Variants in ERP44 observed in about 807,000 individuals in gnomAD.
ERP44 encodes the protein endoplasmic reticulum resident protein 44.
A neutral mutation model predicts 53.4 loss-of-function variants in ERP44; 25 were observed. That is an observed-to-expected ratio of 0.47 (90% confidence interval 0.34 to 0.65). ERP44 has a LOEUF of 0.65. Among genes scored for constraint, ERP44 ranks in the 30% least tolerant of loss-of-function variants. The pLI is 0.01. For missense variants in ERP44, 338 were observed against 493.2 expected (o/e 0.69, Z 2.98); for synonymous variants, 145 against 161.2 (o/e 0.90, Z 0.76).
chr9:100,071,923 AG>A (rs1311964225), intron 1 of ERP44, among the ~76,000 whole-genome samples: 1 of 152,204 alleles, frequency 6.6e-6, no homozygotes, highest in East Asian at 1.9e-4. Flanking sequence ...CTCTGTCTCC[AG>A]AAAAAAAATA....
intron 1 of ERP44, among the ~76,000 whole-genome samples, chr9:100,061,462 T>A (rs113072106): frequency 1.4e-5 from 2 of 146,964 alleles, no homozygotes; most frequent in African/African-American, 2.5e-5. Context: ...TAAATAAATA[T>A]ATATATAAAT....
At chr9:100,024,000 C>T (rs959023204) in intron 4 of ERP44, among the ~76,000 whole-genome samples, 3 of 151,916 alleles carry the variant, frequency 2.0e-5, no homozygotes, top group African/African-American at 4.8e-5. Flanking sequence ...ACTAAAAATA[C>T]AAAAATTAAC....
chr9:100,029,790 T>C (rs114244775), intron 4 of ERP44, among the ~76,000 whole-genome samples: 3,240 of 152,222 alleles, frequency 0.021, 105 homozygotes, highest in African/African-American at 0.074. Flanking sequence ...AACAGATGAA[T>C]GGATAAAGAA....
At chr9:99,999,212 A>T in intron 10 of ERP44, 2 of 414,002 alleles carry the variant, frequency 4.8e-6, no homozygotes, top group South Asian at 5.9e-5. Context: ...CGTCCTCTCG[A>T]TGTTGATCAT....
chr9:100,031,777 G>C (rs961069826), intron 4 of ERP44, among the ~76,000 whole-genome samples: 3 of 152,140 alleles, frequency 2.0e-5, no homozygotes, highest in Admixed American at 6.5e-5. Context: ...AAAAACAGAG[G>C]AGGCACGACA....
rs1412205131 is a variant in ERP44, at chr9:99,979,315, G to A, written c.*3297C>T. The A allele has an allele frequency of 1.4e-4, 21 of 145,832 alleles. No individual in the cohort carries two copies. Among genetic ancestry groups the A allele is most frequent in the African/African-American group, 5.4e-4 (21 of 38,536 alleles). 9.0% of individuals were successfully genotyped at this position (145,832 alleles called of 1,614,324 possible). A position where few individuals can be genotyped will look rare whatever the true frequency, so the allele number is the denominator to read the frequency against. Reference sequence around the variant, plus strand: ...TTTATCCATTCCTTTTTGCCCTCAGGTTTAAAAAAGAAAAAAAAAAAAGCC... The same window carrying A: ...TTTATCCATTCCTTTTTGCCCTCAGATTTAAAAAAGAAAAAAAAAAAAGCC... On this transcript the variant is annotated 3_prime_UTR_variant, in exon 12 of 12. Transcript: ENST00000262455.
At chr9:100,083,814 T>C (rs1826452919) in intron 1 of ERP44, among the ~76,000 whole-genome samples, 1 of 152,108 alleles carries the variant, frequency 6.6e-6, no homozygotes, top group South Asian at 2.1e-4. Flanking sequence ...AATTGAATAG[T>C]GGTTATGAAT....
chr9:100,098,973 T>C lies in ERP44; in HGVS notation c.-133A>G, dbSNP rs1406572023. On this transcript the variant is annotated 5_prime_UTR_variant, in exon 1 of 12. Coordinates refer to ENST00000262455, the MANE Select transcript of ERP44 (RefSeq NM_015051.3). ...TTCTCCAGGCAGCGGCACCTCGTCCTCTCGACCCGGGCTCCAGCGGCGAAC... is the reference window on the plus strand; with the variant it reads ...TTCTCCAGGCAGCGGCACCTCGTCCCCTCGACCCGGGCTCCAGCGGCGAAC... The C allele has an allele frequency of 4.4e-6, 3 of 684,170 alleles. No homozygotes were observed. The East Asian group carries it at 8.4e-5, about 19-fold the overall frequency. The allele number at this position is 684,170 out of a possible 1,614,324, so 42.4% of individuals were successfully genotyped here.
intron 9 of ERP44, 56 bp downstream of exon 9, chr9:100,007,522 G>T: frequency 1.1e-6 from 1 of 913,126 alleles, no homozygotes; most frequent in Non-Finnish European, 1.8e-6. Context: ...ATGATGAAAG[G>T]GAAAAAAAGA....
intron 10 of ERP44, 58 bp from the exon 11 acceptor site, chr9:99,985,127 C>A: frequency 8.4e-7 from 1 of 1,195,160 alleles, no homozygotes; most frequent in South Asian, 1.3e-5. Flanking sequence ...TCTATTTTAC[C>A]AACTTCACAG....
intron 10 of ERP44, chr9:99,999,133 G>T (rs1587957963): frequency 1.7e-6 from 1 of 591,712 alleles, no homozygotes; most frequent in African/African-American, 1.9e-5. Context: ...GAGGCACAGT[G>T]TACCGCGCTG....
chr9:99,993,776 T>A (rs1322256085), intron 10 of ERP44, among the ~76,000 whole-genome samples: 1 of 151,936 alleles, frequency 6.6e-6, no homozygotes, highest in Non-Finnish European at 1.5e-5. Flanking sequence ...GACAAAGGGG[T>A]AATAACCAGA....
intron 4 of ERP44, among the ~76,000 whole-genome samples, chr9:100,043,029 G>A (rs1397459268): frequency 3.3e-5 from 5 of 151,836 alleles, no homozygotes; most frequent in Non-Finnish European, 5.9e-5. Flanking sequence ...GGAGGCCGAA[G>A]CGGGCGAATC....
At chr9:100,000,791 T>C (rs1276409403) in intron 10 of ERP44, among the ~76,000 whole-genome samples, 3 of 152,136 alleles carry the variant, frequency 2.0e-5, no homozygotes, top group Non-Finnish European at 4.4e-5. Context: ...ATTTTATCTT[T>C]TTAAAAAACC....
At chr9:100,093,654 A>G (rs532327973) in intron 1 of ERP44, among the ~76,000 whole-genome samples, 52 of 152,052 alleles carry the variant, frequency 3.4e-4, no homozygotes, top group African/African-American at 1.1e-3. Flanking sequence ...GGGGGGGGAA[A>G]AAAAAAGAAC....
chr9:100,077,129 T>G lies in ERP44; in HGVS notation c.58-16957A>C, dbSNP rs559922988. ...GGGCAGAGGTTTGTCCTCACTGGAATAGACACTTACTCCAGATATGGGTTT... is the reference window on the plus strand; with the variant it reads ...GGGCAGAGGTTTGTCCTCACTGGAAGAGACACTTACTCCAGATATGGGTTT... On this transcript the variant is annotated intron_variant, in intron 1 of 11. Coordinates refer to ENST00000262455, the MANE Select transcript of ERP44 (RefSeq NM_015051.3). Among the ~76,000 whole-genome samples, 8 of 152,334 alleles carry G rather than the reference T, an allele frequency of 5.3e-5. No homozygotes were observed. The East Asian group carries it at 1.5e-3, about 29-fold the overall frequency.
intron 1 of ERP44, among the ~76,000 whole-genome samples, chr9:100,096,762 G>T (rs145082999): frequency 5.3e-5 from 8 of 152,200 alleles, no homozygotes; most frequent in African/African-American, 1.9e-4. Flanking sequence ...TATGTAAGAA[G>T]GAATAAACTT....
chr9:99,998,505 C>T (rs1349143157), intron 10 of ERP44: 20 of 715,374 alleles, frequency 2.8e-5, no homozygotes, highest in African/African-American at 7.0e-5. Context: ...CTCGGAGCCC[C>T]GCTGTCCCGG....
At chr9:100,037,413 C>T (rs1825856630) in intron 4 of ERP44, among the ~76,000 whole-genome samples, 1 of 152,170 alleles carries the variant, frequency 6.6e-6, no homozygotes, top group African/African-American at 2.4e-5. Flanking sequence ...GTGTAGGCCA[C>T]AAGAACTGCA....
Sources: gnomAD v4.1 joint callset for allele counts (sites outside exome capture counted in the v4.1 genomes callset) on GRCh38, gnomAD v4.1.1 for gene constraint, MANE v1.5 for transcripts, NCBI Gene and HGNC (gene_info 2026-07-23, HGNC 2026-07-21) for gene names.